The following NFE2L2 variants were observed in gnomAD, a reference collection of about 807,000 sequenced individuals.
NFE2L2 encodes the protein nuclear factor erythroid 2-related factor 2.
A neutral mutation model predicts 49.6 loss-of-function variants in NFE2L2; 20 were observed. The ratio of observed to expected loss-of-function variants is 0.40; its 90% CI spans 0.28 to 0.59. The LOEUF (loss-of-function observed/expected upper bound fraction) is 0.59. Among genes scored for constraint, NFE2L2 ranks in the 20% least tolerant of loss-of-function variants. The probability of loss-of-function intolerance (pLI) is 0.40; values close to 1 mark genes in which losing one functional copy is unlikely to be tolerated. For synonymous variants in NFE2L2, 244 were observed against 256.5 expected, an observed-to-expected ratio of 0.95 and a Z score of 0.47; for missense variants, 578 against 714.2, an observed-to-expected ratio of 0.81 and a Z score of 2.17.
In NFE2L2 at chr2:177,231,637, T is replaced by C. The variant is rs1689554563; in HGVS notation, c.966A>G (p.Leu322=). Residue 322 remains leucine (L), a synonymous_variant, in exon 5 of 5, where the codon CTA becomes CTG. Coordinates refer to ENST00000397062, the MANE Select transcript of NFE2L2 (RefSeq NM_006164.5). ...TTTGGTTGAAAGCTTTGCAAAGTGA[T>C]AGATCAGAAACATCAATGGGCCCAT... is the stretch of plus-strand genomic sequence containing the variant. ...LLNGPIDVSD[L]SLCKAFNQNH... is the part of the protein sequence containing the mutation. 6.2e-7 allele frequency: 1 copy of C among 1,614,192 alleles called. No homozygotes were observed. Among genetic ancestry groups the C allele is most frequent in the Non-Finnish European group, 8.5e-7 (1 of 1,180,026 alleles).
chr2:177,235,164 G>A lies in NFE2L2; in HGVS notation c.46-893C>T, dbSNP rs369272485. Among the ~76,000 whole-genome samples the A allele has an allele frequency of 9.0e-4, 137 of 151,980 alleles. 1 individual carries two copies. The South Asian group carries it at 0.014, about 16-fold the overall frequency. ...GACAGGGACAGGTGCGGTGGCTCAC[G>A]CCTACAAGCCCAGCACTTTGGGAGG... On this transcript the variant is annotated intron_variant, in intron 1 of 4. Transcript: ENST00000397062.
chr2:177,242,525 C>G (rs1689973802), intron 1 of NFE2L2, among the ~76,000 whole-genome samples: 1 of 152,192 alleles, frequency 6.6e-6, no homozygotes, highest in South Asian at 2.1e-4. Flanking sequence ...TATCTTTCCA[C>G]TAGAAAGTGG....
chr2:177,233,057 T>C, intron 3 of NFE2L2, 193 bp downstream of exon 3: 1 of 560,892 alleles, frequency 1.8e-6, no homozygotes, highest in Non-Finnish European at 3.1e-6. Flanking sequence ...AGGGTTTTTT[T>C]TTTTCTTAAT....
intron 1 of NFE2L2, among the ~76,000 whole-genome samples, chr2:177,247,576 G>A (rs111436754): frequency 0.026 from 3,993 of 150,908 alleles, 67 homozygotes; most frequent in Non-Finnish European, 0.04. Context: ...CAAGAGAATC[G>A]CTTGAACCCA....
chr2:177,245,197 C>T (rs1185361890), intron 1 of NFE2L2, among the ~76,000 whole-genome samples: 2 of 151,916 alleles, frequency 1.3e-5, no homozygotes, highest in African/African-American at 4.8e-5. Flanking sequence ...ATGACTCATC[C>T]ATCTCAGCCA....
chr2:177,237,550 G>T (rs527668165), intron 1 of NFE2L2, among the ~76,000 whole-genome samples: 3 of 152,096 alleles, frequency 2.0e-5, no homozygotes, highest in African/African-American at 7.2e-5. Flanking sequence ...ACGGAGTCTC[G>T]CTCTGTCGCC....
chr2:177,264,172 GC>G (rs1178841663), intron 1 of NFE2L2, among the ~76,000 whole-genome samples: 1 of 152,052 alleles, frequency 6.6e-6, no homozygotes, highest in Non-Finnish European at 1.5e-5. Context: ...GCCCCCTCTT[GC>G]CCCGCCGCCC....
chr2:177,233,534 G>A, intron 2 of NFE2L2, 195 bp from the exon 3 acceptor site: 1 of 567,580 alleles, frequency 1.8e-6, no homozygotes, highest in Non-Finnish European at 3.1e-6. Context: ...CCAATTTTCT[G>A]AGTGATCTGG....
At chr2:177,235,697 C>T (rs2001350) in intron 1 of NFE2L2, among the ~76,000 whole-genome samples, 135,154 of 152,062 alleles carry the variant, frequency 0.89, 60,147 homozygotes, top group Admixed American at 0.91. Flanking sequence ...CGTGGTGATA[C>T]GAGCCTGTAG....
chr2:177,248,739 C>CT (rs1418065121), intron 1 of NFE2L2, among the ~76,000 whole-genome samples: 1 of 152,072 alleles, frequency 6.6e-6, no homozygotes, highest in South Asian at 2.1e-4. Flanking sequence ...TTTCAGAGGA[C>CT]TTTCCTTCTC....
At chr2:177,244,595 G>A (rs1436831038) in intron 1 of NFE2L2, among the ~76,000 whole-genome samples, 1 of 152,166 alleles carries the variant, frequency 6.6e-6, no homozygotes, top group Non-Finnish European at 1.5e-5. Context: ...GTGTATAACT[G>A]GCCTACTGTG....
In NFE2L2 at chr2:177,231,033, CTACTA is replaced by C; in HGVS notation, c.1565_1569del (p.Ile522ArgfsTer12). 1 of 1,613,762 alleles carries C rather than the reference CTACTA, an allele frequency of 6.2e-7. No homozygotes were observed. On this transcript the variant is annotated frameshift_variant, in exon 5 of 5. Transcript: ENST00000397062. LOFTEE classifies it high-confidence loss of function. ...AAATGATCTAAATCTTGCTCTAGTTCTACTATATTTTCCAGTTTTCTTTTTCTGCA... is the reference window on the plus strand; with the variant it reads ...AAATGATCTAAATCTTGCTCTAGTTCTATTTTCCAGTTTTCTTTTTCTGCA...
intron 1 of NFE2L2, among the ~76,000 whole-genome samples, chr2:177,257,406 A>G (rs945330220): frequency 6.6e-6 from 1 of 152,160 alleles, no homozygotes; most frequent in African/African-American, 2.4e-5. Context: ...AAGTTACCCA[A>G]ATCTTCTGGA....
chr2:177,231,857 G>A lies in NFE2L2; in HGVS notation c.746C>T (p.Ala249Val). Reference protein sequence around the residue: ...VGNCSPHFLNAFEDSFSSILS... With the variant: ...VGNCSPHFLNVFEDSFSSILS... ...GATGCTGCTGAAGGAATCCTCAAAA[G>A]CATTAAGAAAATGTGGACTACAGTT... Residue 249 changes from alanine (A) to valine (V), a missense_variant, in exon 5 of 5, where the codon GCT becomes GTT. Coordinates refer to ENST00000397062, the MANE Select transcript of NFE2L2 (RefSeq NM_006164.5). 6.2e-7 allele frequency: 1 copy of A among 1,614,188 alleles called. No homozygotes were observed. Among genetic ancestry groups the A allele is most frequent in the South Asian group, 1.1e-5 (1 of 91,082 alleles).
chr2:177,242,894 G>GT (rs1452933700), intron 1 of NFE2L2, among the ~76,000 whole-genome samples: 68 of 150,484 alleles, frequency 4.5e-4, no homozygotes, highest in African/African-American at 1.6e-3. Context: ...CCCCAAGGAG[G>GT]TTTTGTTTTT....
Position 177,264,543 on chromosome 2 carries a change from G to A in NFE2L2, c.34C>T (p.Pro12Ser). 1.3e-6 allele frequency: 2 copies of A among 1,522,560 alleles called. No homozygotes were observed. Among genetic ancestry groups the A allele is most frequent in the Non-Finnish European group, 1.8e-6 (2 of 1,134,012 alleles). 94.3% of individuals were successfully genotyped at this position (1,522,560 alleles called of 1,614,324 possible). The change falls in exon 1 of 5, where the codon CCG (proline) becomes TCG (serine). Residue 12 changes from proline (P) to serine (S), a missense_variant. By Grantham distance (74) the Pro-to-Ser change is moderately conservative. This residue lies in a region of NFE2L2 where 93 missense variants were observed against 153.9 expected (regional missense o/e 0.60). Coordinates refer to ENST00000397062, the MANE Select transcript of NFE2L2 (RefSeq NM_006164.5). The stretch of plus-strand genomic sequence containing the variant: ...GGCCGAGGCAGCACCTGCTGGGACG[G>A]GAGTCCCGGCGGCGGCAGCTCCAAG... ...MDLELPPPGL[P>S]SQQDMDLIDI...
intron 4 of NFE2L2, 174 bp downstream of exon 4, chr2:177,232,218 A>G (rs1413119891): frequency 6.7e-6 from 6 of 895,792 alleles, no homozygotes; most frequent in Non-Finnish European, 9.8e-6. Flanking sequence ...CGTCAGGTTT[A>G]TAACATTCTA....
Position 177,230,722 on chromosome 2 carries a change from G to A in NFE2L2, c.*63C>T, listed in dbSNP as rs1053663759. The A allele has an allele frequency of 5.4e-6, 8 of 1,495,048 alleles. No homozygotes were observed. The highest frequency in any genetic ancestry group is 7.1e-6 in the Non-Finnish European group (8 of 1,122,758). 92.6% of individuals were successfully genotyped at this position (1,495,048 alleles called of 1,614,324 possible). A position where few individuals can be genotyped will look rare whatever the true frequency, so the allele number is the denominator to read the frequency against. On this transcript the variant is annotated 3_prime_UTR_variant, in exon 5 of 5. Transcript: ENST00000397062. ...TAAAGTATGAGCATTTCACATCACA[G>A]TAGGAGCTTTTAGTATAATAGTACA...
At chr2:177,247,578 T>C (rs1406433835) in intron 1 of NFE2L2, among the ~76,000 whole-genome samples, 1 of 151,406 alleles carries the variant, frequency 6.6e-6, no homozygotes, top group African/African-American at 2.4e-5. Context: ...AGAGAATCGC[T>C]TGAACCCAGG....
Sources: allele counts gnomAD v4.1 joint callset (sites outside exome capture counted in the v4.1 genomes callset), GRCh38; gene constraint gnomAD v4.1.1; regional missense constraint gnomAD v4.1.1; transcripts MANE v1.5; gene names NCBI Gene and HGNC (gene_info 2026-07-23, HGNC 2026-07-21).